The following PHKG1 variants were observed in gnomAD, a reference collection of about 807,000 sequenced individuals.
PHKG1 encodes phosphorylase kinase catalytic subunit gamma 1, also known as phosphorylase b kinase gamma catalytic chain, skeletal muscle/heart isoform.
PHKG1 carries 48 observed loss-of-function variants against 50.5 expected under a neutral mutation model. That is an observed-to-expected ratio of 0.95 (90% CI 0.75 to 1.21). The LOEUF (loss-of-function observed/expected upper bound fraction) is 1.21. PHKG1 is among the 50% of genes most tolerant of loss of function. The probability of loss-of-function intolerance (pLI) is 0.00; values close to 1 mark genes in which losing one functional copy is unlikely to be tolerated. For synonymous variants in PHKG1, 204 were observed against 212.8 expected (o/e 0.96, Z 0.36); for missense variants, 487 against 519.5 (o/e 0.94, Z 0.61).
Position 56,081,780 on chromosome 7 carries a change from GAGAATGTCA to G in PHKG1, c.793-34_793-26del, listed in dbSNP as rs200265462. 8 of 1,609,986 alleles carry G rather than the reference GAGAATGTCA, an allele frequency of 5.0e-6. No homozygotes were observed. Among genetic ancestry groups the G allele is most frequent in the East Asian group, 2.2e-5 (1 of 44,538 alleles). On this transcript the variant is annotated intron_variant, in intron 8 of 9. Coordinates refer to ENST00000297373, the MANE Select transcript of PHKG1 (RefSeq NM_006213.5). The surrounding 1 kb of genome is among the most constrained non-coding windows in gnomAD (Gnocchi z 4.6). ...CCTGTGAGAGGAGGAGAGGGGAACC[GAGAATGTCA>G]AGGCAGGTCCCCTCCAGCATGTCAG... is the stretch of plus-strand genomic sequence containing the variant.
In PHKG1 at chr7:56,080,337, C is replaced by T. The variant is rs1375225377; in HGVS notation, c.*717G>A. ...CTAGAGTGCACTGGTGATCACGGCT[C>T]ACTCTAGCCTTGAATTCCTGGGCCC... On this transcript the variant is annotated 3_prime_UTR_variant, in exon 10 of 10. Coordinates refer to ENST00000297373, the MANE Select transcript of PHKG1 (RefSeq NM_006213.5). 6.5e-6 allele frequency: 1 copy of T among 152,764 alleles called. No individual in the cohort carries two copies. Among genetic ancestry groups the T allele is most frequent in the Non-Finnish European group, 1.4e-5 (1 of 71,098 alleles). The allele number at this position is 152,764 out of a possible 1,614,324, so 9.5% of individuals were successfully genotyped here.
intron 5 of PHKG1, 61 bp downstream of exon 5, chr7:56,083,589 C>T: frequency 1.3e-6 from 2 of 1,508,192 alleles, no homozygotes; most frequent in Non-Finnish European, 1.8e-6. Flanking sequence ...CCTGAGACCC[C>T]AGTGCCTGTG....
Position 56,083,370 on chromosome 7 carries a change from T to G in PHKG1, c.455A>C (p.Lys152Thr), listed in dbSNP as rs1401327813. 4 of 1,614,186 alleles carry G rather than the reference T, an allele frequency of 2.5e-6. No homozygotes were observed. Among genetic ancestry groups the G allele is most frequent in the East Asian group, 2.2e-5 (1 of 44,884 alleles). ...HKLNIVHRDL[K>T]PENILLDDNM... ...GTCATCCAAGAGAATGTTCTCGGGC[T>G]TCAGGTCCCGGTGCACGATGTTGAG... Residue 152 changes from lysine (K) to threonine (T), a missense_variant, in exon 6 of 10, where the codon AAG (lysine) becomes ACG (threonine). Transcript: ENST00000297373.
In PHKG1 at chr7:56,081,830, CCCGG is replaced by C. The variant is rs1398359427; in HGVS notation, c.792+59_792+62del. On this transcript the variant is annotated intron_variant, in intron 8 of 9. Transcript: ENST00000297373. This position sits in a 1 kb window ranked among gnomAD's most constrained non-coding sequence, Gnocchi z 4.6. ...AGCATGTCAGGAAAGGCAGGGCCTC[CCCGG>C]GCAGGGGCGCCTGGCATCGCAGCCC... 2.3e-5 allele frequency: 37 copies of C among 1,608,932 alleles called. No homozygotes were observed. The highest frequency in any genetic ancestry group is 3.0e-5 in the Non-Finnish European group (35 of 1,177,282).
At chr7:56,088,815 C>T in intron 2 of PHKG1, 44 bp downstream of exon 2, 1 of 1,392,194 alleles carries the variant, frequency 7.2e-7, no homozygotes, top group Non-Finnish European at 1.0e-6. Context: ...ACAGGGTCTG[C>T]TGGAGCCTAG....
intron 2 of PHKG1, 46 bp from the exon 3 acceptor site, chr7:56,087,822 T>TG (rs762514389): frequency 8.9e-5 from 136 of 1,520,052 alleles, no homozygotes; most frequent in Admixed American, 2.7e-4. Context: ...CCTCACCCCA[T>TG]GGGGGGTCCC....
At chr7:56,090,093 GTTTT>G (rs769633640) in intron 1 of PHKG1, among the ~76,000 whole-genome samples, 37 of 151,982 alleles carry the variant, frequency 2.4e-4, no homozygotes, top group Admixed American at 2.6e-4. Context: ...CCTTCCTCAT[GTTTT>G]TTTGTTTGTT....
At position 56,083,387 on chromosome 7, in the gene PHKG1, G is replaced by A. The variant is rs1255499107; in HGVS notation, c.438C>T (p.Ile146=). The change falls in exon 6 of 10, where the codon ATC becomes ATT. Residue 146 remains isoleucine (I), a synonymous_variant. Transcript: ENST00000297373. The part of the protein sequence containing the change: ...EVICTLHKLN[I]VHRDLKPENI... Reference sequence around the variant, plus strand: ...TCTCGGGCTTCAGGTCCCGGTGCACGATGTTGAGTTTGTGCAAGGTGCAGA... The same window carrying A: ...TCTCGGGCTTCAGGTCCCGGTGCACAATGTTGAGTTTGTGCAAGGTGCAGA... 4 of 1,614,070 alleles carry A rather than the reference G, an allele frequency of 2.5e-6. No individual in the cohort carries two copies. The highest frequency in any genetic ancestry group is 3.4e-6 in the Non-Finnish European group (4 of 1,179,932).
chr7:56,081,610 T>C lies in PHKG1; in HGVS notation c.918+20A>G. The C allele has an allele frequency of 1.2e-6, 2 of 1,611,928 alleles. No individual in the cohort carries two copies. The highest frequency in any genetic ancestry group is 1.7e-6 in the Non-Finnish European group (2 of 1,178,972). ...TTTGCACTTAGGGAGCTGGCGGGCC[T>C]GGATCAGGACGCTTAGTACCTTGAA... On this transcript the variant is annotated intron_variant, in intron 9 of 9. Coordinates refer to ENST00000297373, the MANE Select transcript of PHKG1 (RefSeq NM_006213.5). This position sits in a 1 kb window ranked among gnomAD's most constrained non-coding sequence, Gnocchi z 4.6.
chr7:56,091,812 T>C (rs994672152), intron 1 of PHKG1, among the ~76,000 whole-genome samples: 2 of 152,220 alleles, frequency 1.3e-5, no homozygotes, highest in East Asian at 1.9e-4. Flanking sequence ...AGGTTTAGAA[T>C]AACAAGTCCC....
rs1033629858 is a variant in PHKG1, at chr7:56,083,679, C to T, written c.354G>A (p.Glu118=). The T allele has an allele frequency of 1.3e-6, 2 of 1,586,020 alleles. No homozygotes were observed. Among genetic ancestry groups the T allele is most frequent in the East Asian group, 2.3e-5 (1 of 44,044 alleles). The change falls in exon 5 of 10, where the codon GAG becomes GAA. Residue 118 remains glutamate, a synonymous_variant. Transcript: ENST00000297373. ...TTTCCTTCTCACTCAAGGTGACCTTCTCAGTGAGGTAGTCAAAGAGCTCCC... is the reference window on the plus strand; with the variant it reads ...TTTCCTTCTCACTCAAGGTGACCTTTTCAGTGAGGTAGTCAAAGAGCTCCC... ...KRGELFDYLT[E]KVTLSEKETR...
At chr7:56,084,210 T>C (rs1796151732) in intron 4 of PHKG1, 1 of 1,534,174 alleles carries the variant, frequency 6.5e-7, no homozygotes, top group South Asian at 1.2e-5. Context: ...AAGCACCATT[T>C]CTGTTCCATC....
Position 56,081,549 on chromosome 7 carries a change from G to T in PHKG1, c.918+81C>A. On this transcript the variant is annotated intron_variant, in intron 9 of 9. Transcript: ENST00000297373. This position sits in a 1 kb window ranked among gnomAD's most constrained non-coding sequence, Gnocchi z 4.6. ...GATGGGTACTCTGGAAATTCACGGG[G>T]TGTAAGGACTCCTGGGAGAGGAGGG... is the stretch of plus-strand genomic sequence containing the variant. The T allele has an allele frequency of 6.6e-7, 1 of 1,507,552 alleles. No individual in the cohort carries two copies. Among genetic ancestry groups the T allele is most frequent in the Non-Finnish European group, 9.1e-7 (1 of 1,097,270 alleles). 93.4% of individuals were successfully genotyped at this position (1,507,552 alleles called of 1,614,324 possible). A position where few individuals can be genotyped will look rare whatever the true frequency, so the allele number is the denominator to read the frequency against.
chr7:56,081,600 C>T lies in PHKG1; in HGVS notation c.918+30G>A. The T allele has an allele frequency of 3.1e-6, 5 of 1,609,746 alleles. No individual in the cohort carries two copies. The highest frequency in any genetic ancestry group is 4.2e-6 in the Non-Finnish European group (5 of 1,177,608). On this transcript the variant is annotated intron_variant, in intron 9 of 9. Coordinates refer to ENST00000297373, the MANE Select transcript of PHKG1 (RefSeq NM_006213.5). This position sits in a 1 kb window ranked among gnomAD's most constrained non-coding sequence, Gnocchi z 4.6. ...GGCTTAGAGGTTTGCACTTAGGGAG[C>T]TGGCGGGCCTGGATCAGGACGCTTA... is the stretch of plus-strand genomic sequence containing the variant.
intron 5 of PHKG1, 104 bp downstream of exon 5, chr7:56,083,546 C>T (rs1177733089): frequency 4.5e-5 from 68 of 1,512,274 alleles, no homozygotes; most frequent in African/African-American, 8.2e-5. Flanking sequence ...GCAGCACACA[C>T]GCCCAGCCCA....
rs1262468575 is a variant in PHKG1, at chr7:56,088,870, C to G, written c.72G>C (p.Glu24Asp). 12 of 1,612,192 alleles carry G rather than the reference C, an allele frequency of 7.4e-6. No homozygotes were observed. The highest frequency in any genetic ancestry group is 8.5e-6 in the Non-Finnish European group (10 of 1,178,800). Residue 24 changes from glutamate to aspartate, a missense_variant, in exon 2 of 10, where the codon GAG becomes GAC. Transcript: ENST00000297373. ...AGCTTGGGCTTTACCTGCCCAGGAT[C>G]TCTTTGGGCTCATAATTCTCATAGA... ...QDFYENYEPK[E>D]ILGRGVSSVV...
chr7:56,090,828 C>A (rs1796467016), intron 1 of PHKG1, among the ~76,000 whole-genome samples: 1 of 152,190 alleles, frequency 6.6e-6, no homozygotes, highest in South Asian at 2.1e-4. Context: ...AGAGCCAGGA[C>A]ACTCAGGCCT....
chr7:56,086,377 A>C (rs1225839246), intron 4 of PHKG1, among the ~76,000 whole-genome samples: 1 of 152,006 alleles, frequency 6.6e-6, no homozygotes, highest in African/African-American at 2.4e-5. Context: ...TAGAACAATT[A>C]TATCACTATA....
At chr7:56,087,458 G>C (rs1203907715) in intron 3 of PHKG1, 140 bp downstream of exon 3, 1 of 743,004 alleles carries the variant, frequency 1.3e-6, no homozygotes, top group Non-Finnish European at 2.2e-6. Flanking sequence ...CCTTCTATCA[G>C]AGCAGTGAGG....
Sources: gnomAD v4.1 joint callset for allele counts (sites outside exome capture counted in the v4.1 genomes callset) on GRCh38, gnomAD v4.1.1 for gene constraint, Gnocchi (gnomAD v3.1) non-coding constraint, MANE v1.5 for transcripts, NCBI Gene and HGNC (gene_info 2026-07-23, HGNC 2026-07-21) for gene names.